Variants in POLR3B observed in about 807,000 individuals in gnomAD.
The protein encoded by POLR3B is DNA-directed RNA polymerase III subunit RPC2.
In POLR3B, 96 loss-of-function variants were observed where a neutral mutation model predicts 147.4. The observed-to-expected ratio is 0.65, with a 90% CI of 0.55 to 0.77. The LOEUF is 0.77. POLR3B is among the 30% of genes least tolerant of loss of function. POLR3B has a pLI of 0.00. For synonymous variants in POLR3B, 461 were observed against 485.9 expected, an observed-to-expected ratio of 0.95 and a Z score of 0.67; for missense variants, 1,036 against 1,413.5, an observed-to-expected ratio of 0.73 and a Z score of 4.28.
chr12:106,500,381 T>C (rs1226670338), intron 25 of POLR3B, among the ~76,000 whole-genome samples: 1 of 152,146 alleles, frequency 6.6e-6, no homozygotes, highest in African/African-American at 2.4e-5. Flanking sequence ...TGAGTACCAG[T>C]TGTGTGCCAG....
chr12:106,469,408 G>T (rs1210640864), intron 23 of POLR3B, among the ~76,000 whole-genome samples: 3 of 151,230 alleles, frequency 2.0e-5, no homozygotes, highest in Non-Finnish European at 4.4e-5. Flanking sequence ...TATCCAATTT[G>T]CCAGTCTGTG....
At chr12:106,363,724 A>G in intron 1 of POLR3B, 146 bp from the exon 2 acceptor site, 1 of 703,390 alleles carries the variant, frequency 1.4e-6, no homozygotes. Context: ...ATGCATATGC[A>G]CACATGTGAT....
At chr12:106,426,217 G>A (rs1240033365) in intron 12 of POLR3B, among the ~76,000 whole-genome samples, 1 of 117,384 alleles carries the variant, frequency 8.5e-6, no homozygotes, top group Admixed American at 8.4e-5. Context: ...GGCAGGGCCT[G>A]CAATTTGTGT....
At chr12:106,419,989 G>A (rs1480909609) in intron 12 of POLR3B, among the ~76,000 whole-genome samples, 1 of 151,870 alleles carries the variant, frequency 6.6e-6, no homozygotes, top group African/African-American at 2.4e-5. Flanking sequence ...TGTTGATGGA[G>A]GTTGGTTGGT....
chr12:106,379,935 T>C (rs2036736310), intron 8 of POLR3B, 96 bp from the exon 9 acceptor site: 1 of 748,418 alleles, frequency 1.3e-6, no homozygotes, highest in Non-Finnish European at 2.4e-6. Context: ...TGTTGATCAG[T>C]TGACCCTTAT....
In POLR3B at chr12:106,496,906, C is replaced by T; in HGVS notation, c.2972C>T (p.Ser991Phe). Residue 991 changes from serine (S) to phenylalanine (F), a missense_variant, in exon 25 of 28, where the codon TCC becomes TTC. Coordinates refer to ENST00000228347, the MANE Select transcript of POLR3B (RefSeq NM_018082.6). The stretch of plus-strand genomic sequence containing the variant: ...TACTTGGGGAAAGACTATGTTACAT[C>T]CGGCATCACAGGGTAAGCATGCGAT... ...YNYLGKDYVT[S>F]GITGEPLEAY... 1 of 1,613,812 alleles carries T rather than the reference C, an allele frequency of 6.2e-7. No individual in the cohort carries two copies. Among genetic ancestry groups the T allele is most frequent in the African/African-American group, 1.3e-5 (1 of 75,012 alleles).
chr12:106,451,408 A>C (rs1356423143), intron 19 of POLR3B, among the ~76,000 whole-genome samples: 1 of 151,934 alleles, frequency 6.6e-6, no homozygotes, highest in Non-Finnish European at 1.5e-5. Context: ...CAGGCGGATC[A>C]CTTGAGGTTG....
Position 106,463,559 on chromosome 12 carries a change from GC to G in POLR3B, c.2653del (p.Leu885Ter). 6.2e-7 allele frequency: 1 copy of G among 1,613,580 alleles called. No individual in the cohort carries two copies. Among genetic ancestry groups the G allele is most frequent in the Non-Finnish European group, 8.5e-7 (1 of 1,179,526 alleles). ...AAGATGCTTTTCTGATCAAAATGCT[GC>G]TGAGACAGACAAGGCGTCCAGAAAT... ...AEDAFLIKML[L>X]RQTRRPEIGD... On this transcript the variant is annotated frameshift_variant, in exon 23 of 28. Coordinates refer to ENST00000228347, the MANE Select transcript of POLR3B (RefSeq NM_018082.6). LOFTEE classifies it high-confidence loss of function.
In POLR3B at chr12:106,369,304, A is replaced by T. The variant is rs765643493; in HGVS notation, c.257A>T (p.Asp86Val). Residue 86 changes from aspartate to valine, a missense_variant, in exon 5 of 28, where the codon GAT becomes GTT. Asp to Val is a radical substitution (Grantham distance 152). Transcript: ENST00000228347. ...CTTAATATCTATGTTGGGCTTCCTGATGTTGAAGAAAGCTTCAATGTAACT... is the reference window on the plus strand; with the variant it reads ...CTTAATATCTATGTTGGGCTTCCTGTTGTTGAAGAAAGCTTCAATGTAACT... ...KYLNIYVGLPDVEESFNVTRP... is the reference protein window; with the variant it reads ...KYLNIYVGLPVVEESFNVTRP... The T allele has an allele frequency of 6.2e-7, 1 of 1,600,442 alleles. No homozygotes were observed. Among genetic ancestry groups the T allele is most frequent in the Non-Finnish European group, 8.6e-7 (1 of 1,167,498 alleles).
chr12:106,405,571 C>CACACACACAA (rs2037140034), intron 10 of POLR3B, among the ~76,000 whole-genome samples: 5 of 151,628 alleles, frequency 3.3e-5, no homozygotes, highest in Admixed American at 3.3e-4. Flanking sequence ...CACACACACA[C>CACACACACAA]ACACACACAA....
At chr12:106,429,155 C>A (rs1411445331) in intron 13 of POLR3B, among the ~76,000 whole-genome samples, 9 of 152,106 alleles carry the variant, frequency 5.9e-5, no homozygotes, top group Non-Finnish European at 1.3e-4. Flanking sequence ...TTATTGTCTG[C>A]TTTGCTCTTT....
At chr12:106,477,230 G>A (rs2038185883) in intron 23 of POLR3B, among the ~76,000 whole-genome samples, 3 of 104,710 alleles carry the variant, frequency 2.9e-5, no homozygotes, top group Non-Finnish European at 5.5e-5. Flanking sequence ...CCCATTCTCA[G>A]ATCTCAAGCT....
intron 19 of POLR3B, among the ~76,000 whole-genome samples, chr12:106,449,649 T>C (rs2037772108): frequency 6.6e-6 from 1 of 152,192 alleles, no homozygotes; most frequent in Non-Finnish European, 1.5e-5. Flanking sequence ...TAAGTGGAAA[T>C]GGATTATCAT....
rs1032355613 is a variant in POLR3B at position 106,454,433 on chromosome 12, A to G, written c.2084-69A>G. The G allele has an allele frequency of 3.8e-6, 3 of 793,874 alleles. No individual in the cohort carries two copies. The East Asian group carries it at 7.6e-5, about 20-fold the overall frequency. 49.2% of individuals were successfully genotyped at this position (793,874 alleles called of 1,614,324 possible). ...TAGTGATGTTAATGTATTTATCTCT[A>G]TATTCATTACTACCTTATTATTTCA... On this transcript the variant is annotated intron_variant, in intron 19 of 27. Coordinates refer to ENST00000228347, the MANE Select transcript of POLR3B (RefSeq NM_018082.6).
At position 106,509,991 on chromosome 12, in the gene POLR3B, G is replaced by A. The variant is rs574873455; in HGVS notation, c.*442G>A. 6.5e-4 allele frequency: 106 copies of A among 163,324 alleles called. No individual in the cohort carries two copies. The highest frequency in any genetic ancestry group is 2.3e-3 in the African/African-American group (94 of 41,764). The allele number at this position is 163,324 out of a possible 1,614,324, so 10.1% of individuals were successfully genotyped here. On this transcript the variant is annotated 3_prime_UTR_variant, in exon 28 of 28. Coordinates refer to ENST00000228347, the MANE Select transcript of POLR3B (RefSeq NM_018082.6). The stretch of plus-strand genomic sequence containing the variant: ...TGATTTGGTCAGCCTGGCTTTTGTC[G>A]TGGTGGCTGGCTCGGATAAATTTTC...
intron 9 of POLR3B, among the ~76,000 whole-genome samples, chr12:106,382,600 G>A (rs1290375729): frequency 6.6e-6 from 1 of 152,144 alleles, no homozygotes; most frequent in Non-Finnish European, 1.5e-5. Flanking sequence ...AGAACTCTTG[G>A]TGACTCAGTT....
intron 23 of POLR3B, among the ~76,000 whole-genome samples, chr12:106,478,270 T>C (rs2038211259): frequency 6.6e-6 from 1 of 152,118 alleles, no homozygotes; most frequent in East Asian, 1.9e-4. Context: ...AATACAGGCG[T>C]CTAGGTAAAA....
At chr12:106,463,761 T>C in intron 23 of POLR3B, 141 bp downstream of exon 23, 1 of 734,184 alleles carries the variant, frequency 1.4e-6, no homozygotes, top group Non-Finnish European at 2.3e-6. Context: ...GTTTTATTTC[T>C]TAGATTAACC....
rs377362682 is a variant in POLR3B at position 106,363,931 on chromosome 12, G to A, written c.105+29G>A. ...ATTGTTTCACATTTAATAATAATTG[G>A]TTATTTTTCAGATGAAAAAGTCAAG... is the stretch of plus-strand genomic sequence containing the variant. On this transcript the variant is annotated intron_variant, in intron 2 of 27. Coordinates refer to ENST00000228347, the MANE Select transcript of POLR3B (RefSeq NM_018082.6). 8 of 1,525,640 alleles carry A rather than the reference G, an allele frequency of 5.2e-6. No individual in the cohort carries two copies. The South Asian group carries it at 5.8e-5, about 11-fold the overall frequency. The allele number at this position is 1,525,640 out of a possible 1,614,324, so 94.5% of individuals were successfully genotyped here.
Sources: gnomAD v4.1 joint callset for allele counts (sites outside exome capture counted in the v4.1 genomes callset) on GRCh38, gnomAD v4.1.1 for gene constraint, MANE v1.5 for transcripts, NCBI Gene and HGNC (gene_info 2026-07-23, HGNC 2026-07-21) for gene names.